Variants in CORO2B observed in about 807,000 individuals in gnomAD.
CORO2B encodes coronin-2B.
CORO2B carries 26 observed loss-of-function variants against 58.8 expected under a neutral mutation model. That is an observed-to-expected ratio of 0.44 (90% CI 0.32 to 0.61). The LOEUF (loss-of-function observed/expected upper bound fraction) is 0.61. Ranked by LOEUF, CORO2B falls within the 20% of genes least tolerant of loss-of-function variation. CORO2B has a pLI of 0.04. For missense variants in CORO2B, 460 were observed against 645.1 expected, an observed-to-expected ratio of 0.71 and a Z score of 3.11; for synonymous variants, 242 against 253.8, an observed-to-expected ratio of 0.95 and a Z score of 0.44.
At chr15:68,669,302 G>C (rs1247467406) in intron 2 of CORO2B, among the ~76,000 whole-genome samples, 2 of 152,230 alleles carry the variant, frequency 1.3e-5, no homozygotes, top group Non-Finnish European at 2.9e-5. Flanking sequence ...GCGACTTGGA[G>C]CCTTTATCTC....
chr15:68,659,828 G>A (rs1901956221), intron 2 of CORO2B, among the ~76,000 whole-genome samples: 3 of 152,218 alleles, frequency 2.0e-5, no homozygotes. Context: ...CAGCTACTCA[G>A]AAGGCTGAGG....
chr15:68,670,928 A>G (rs1310616590), intron 2 of CORO2B, among the ~76,000 whole-genome samples: 1 of 152,260 alleles, frequency 6.6e-6, no homozygotes, highest in Non-Finnish European at 1.5e-5. Context: ...TAAAGTGCAG[A>G]TCTATTACCT....
chr15:68,725,841 A>G lies in CORO2B; in HGVS notation c.1312-2A>G, dbSNP rs778554075. 6.2e-7 allele frequency: 1 copy of G among 1,613,596 alleles called. No individual in the cohort carries two copies. Among genetic ancestry groups the G allele is most frequent in the African/African-American group, 1.3e-5 (1 of 74,998 alleles). ...TTGGCCCCCTCTCTTCCTCCACCCC[A>G]GCTCCTTCGAATGTTCTTCCGGCAG... On this transcript the variant is annotated splice_acceptor_variant, in intron 11 of 11. Transcript: ENST00000261861. LOFTEE classifies it high-confidence loss of function.
chr15:68,643,969 G>A lies in CORO2B; in HGVS notation c.16-1191G>A, dbSNP rs913696267. ...GGAGAATCACTTGAACCTGGGAGAC[G>A]GAGGTTCCAGTGAGCCGAGATCGCA... On this transcript the variant is annotated intron_variant, in intron 1 of 11. Transcript: ENST00000261861. Among the ~76,000 whole-genome samples, 3 of 151,980 alleles carry A rather than the reference G, an allele frequency of 2.0e-5. No individual in the cohort carries two copies. In the South Asian group the frequency reaches 6.2e-4, roughly 32 times the overall value.
intron 2 of CORO2B, among the ~76,000 whole-genome samples, chr15:68,670,720 A>G (rs1408999425): frequency 6.6e-6 from 1 of 152,248 alleles, no homozygotes; most frequent in African/African-American, 2.4e-5. Context: ...GATATAAGCA[A>G]CCTTACAAAG....
chr15:68,629,359 C>T (rs1900764714), intron 1 of CORO2B, among the ~76,000 whole-genome samples: 1 of 152,238 alleles, frequency 6.6e-6, no homozygotes, highest in Admixed American at 6.5e-5. Flanking sequence ...ATTCCACTCA[C>T]TGAGCCTGGA....
intron 1 of CORO2B, among the ~76,000 whole-genome samples, chr15:68,607,545 C>T (rs1393369443): frequency 6.6e-6 from 1 of 152,102 alleles, no homozygotes; most frequent in Non-Finnish European, 1.5e-5. Flanking sequence ...GGGCCAGGCA[C>T]GGTGGCTCAT....
chr15:68,581,503 A>C (rs1470427667), intron 1 of CORO2B, among the ~76,000 whole-genome samples: 1 of 152,136 alleles, frequency 6.6e-6, no homozygotes, highest in Non-Finnish European at 1.5e-5. Context: ...CCTGGCCCCT[A>C]GTCCTAAATT....
At chr15:68,595,973 G>A (rs1283749589) in intron 1 of CORO2B, among the ~76,000 whole-genome samples, 3 of 151,966 alleles carry the variant, frequency 2.0e-5, no homozygotes, top group Non-Finnish European at 4.4e-5. Context: ...GACGCCGTGG[G>A]GTGCTCCCGA....
intron 11 of CORO2B, among the ~76,000 whole-genome samples, chr15:68,721,395 A>C (rs1281364945): frequency 3.3e-5 from 5 of 152,130 alleles, no homozygotes; most frequent in African/African-American, 1.2e-4. Context: ...GGTGGGTGGC[A>C]GTAGAGGCGA....
the CORO2B span, among the ~76,000 whole-genome samples, chr15:68,549,777 A>G: frequency 6.6e-6 from 1 of 151,988 alleles, no homozygotes; most frequent in South Asian, 2.1e-4. Context: ...TGTCTCTACT[A>G]AAAATACAAA....
At chr15:68,584,071 GTGGCA>G (rs1460963446) in intron 1 of CORO2B, among the ~76,000 whole-genome samples, 1 of 152,246 alleles carries the variant, frequency 6.6e-6, no homozygotes, top group Non-Finnish European at 1.5e-5. Context: ...TAGGAAAACA[GTGGCA>G]TTAGCCACAG....
chr15:68,587,908 T>A (rs1471854559), intron 1 of CORO2B, among the ~76,000 whole-genome samples: 1 of 152,200 alleles, frequency 6.6e-6, no homozygotes, highest in African/African-American at 2.4e-5. Flanking sequence ...CGGAAATATG[T>A]GGTCCAGAGC....
the CORO2B span, among the ~76,000 whole-genome samples, chr15:68,558,489 C>T: frequency 6.6e-6 from 1 of 152,152 alleles, no homozygotes; most frequent in African/African-American, 2.4e-5. Flanking sequence ...TCCTTCCTGC[C>T]TCAGCCTCCT....
chr15:68,587,976 G>C (rs752903869), intron 1 of CORO2B, among the ~76,000 whole-genome samples: 2 of 152,236 alleles, frequency 1.3e-5, no homozygotes, highest in African/African-American at 2.4e-5. Flanking sequence ...CTTACTGTGT[G>C]ACCTTGGGCT....
At chr15:68,538,053 C>T in the CORO2B span, among the ~76,000 whole-genome samples, 35 of 152,272 alleles carry the variant, frequency 2.3e-4, no homozygotes, top group African/African-American at 6.5e-4. Flanking sequence ...CAAAGTCACA[C>T]ATTTACTTAC....
intron 1 of CORO2B, among the ~76,000 whole-genome samples, chr15:68,594,349 G>T (rs1466234339): frequency 3.9e-5 from 6 of 152,186 alleles, no homozygotes; most frequent in Admixed American, 3.9e-4. Context: ...CCATTTCTAG[G>T]AACAGCAAGC....
At chr15:68,592,314 C>T (rs1326749987) in intron 1 of CORO2B, among the ~76,000 whole-genome samples, 2 of 152,098 alleles carry the variant, frequency 1.3e-5, no homozygotes, top group African/African-American at 4.8e-5. Flanking sequence ...TCTGAGTCAG[C>T]GTCTTTCATG....
At chr15:68,592,651 A>G (rs554434900) in intron 1 of CORO2B, among the ~76,000 whole-genome samples, 62 of 152,332 alleles carry the variant, frequency 4.1e-4, no homozygotes, top group African/African-American at 1.4e-3. Context: ...ATCTATTCAT[A>G]TATTCATTCA....
Sources: gnomAD v4.1 joint callset for allele counts (sites outside exome capture counted in the v4.1 genomes callset) on GRCh38, gnomAD v4.1.1 for gene constraint, MANE v1.5 for transcripts, NCBI Gene and HGNC (gene_info 2026-07-23, HGNC 2026-07-21) for gene names.